The following ZNF514 variants were observed in gnomAD, a reference collection of about 807,000 sequenced individuals.
ZNF514 encodes the protein zinc finger protein 514.
A neutral mutation model predicts 9.7 loss-of-function variants in ZNF514; 12 were observed. The ratio of observed to expected loss-of-function variants is 1.24; its 90% CI spans 0.79 to 2.01. The LOEUF is 2.01. ZNF514 is among the 30% of genes most tolerant of loss of function. ZNF514 has a pLI of 0.00. For synonymous variants in ZNF514, 158 were observed against 163.7 expected (o/e 0.97, Z 0.27); for missense variants, 467 against 465.5 (o/e 1.00, Z -0.03).
At position 95,149,822 on chromosome 2, in the gene ZNF514, G is replaced by A. The variant is rs1174400951; in HGVS notation, c.663C>T (p.Arg221=). ...KSFHFQSELR[R]HQRCHTGEKP... ...TTTCTCCAGTGTGACATCGCTGATG[G>A]CGCCTAAGTTCTGACTGGAAGTGAA... Residue 221 remains arginine, a synonymous_variant, in exon 5 of 5, where the codon CGC becomes CGT. Coordinates refer to ENST00000295208, the MANE Select transcript of ZNF514 (RefSeq NM_032788.3). 2 of 1,614,072 alleles carry A rather than the reference G, an allele frequency of 1.2e-6. No individual in the cohort carries two copies. Among genetic ancestry groups the A allele is most frequent in the African/African-American group, 2.7e-5 (2 of 74,928 alleles).
At chr2:95,140,686 T>C (rs1394968220), downstream of ZNF514, among the ~76,000 whole-genome samples, 1 of 151,366 alleles carries the variant, frequency 6.6e-6, no homozygotes, top group Admixed American at 6.6e-5. Flanking sequence ...ATAAGAATGA[T>C]ACAATGGAGC....
At chr2:95,125,228 CTTT>C in the ZNF514 span, among the ~76,000 whole-genome samples, 7 of 125,124 alleles carry the variant, frequency 5.6e-5, no homozygotes, top group Non-Finnish European at 5.1e-5. Context: ...AATTGCCATC[CTTT>C]TTTTTTTTTT....
chr2:95,126,550 G>T, the ZNF514 span, among the ~76,000 whole-genome samples: 1 of 151,670 alleles, frequency 6.6e-6, no homozygotes, highest in Non-Finnish European at 1.5e-5. Context: ...TTTTTTAGCT[G>T]CTCTCATAGG....
downstream of ZNF514, among the ~76,000 whole-genome samples, chr2:95,144,358 T>C (rs1193520099): frequency 6.6e-6 from 1 of 152,180 alleles, no homozygotes; most frequent in East Asian, 1.9e-4. Flanking sequence ...TTCAGGCATG[T>C]AATATCAGTA....
downstream of ZNF514, among the ~76,000 whole-genome samples, chr2:95,140,857 C>T (rs1181521084): frequency 3.3e-5 from 5 of 151,798 alleles, no homozygotes; most frequent in Non-Finnish European, 7.4e-5. Flanking sequence ...TGCCTATAGT[C>T]CCAGCTACTC....
chr2:95,139,840 G>A, the ZNF514 span, among the ~76,000 whole-genome samples: 1 of 152,178 alleles, frequency 6.6e-6, no homozygotes, highest in African/African-American at 2.4e-5. Flanking sequence ...TAATACCAAT[G>A]TTGAGGGTGG....
intron 1 of ZNF514, chr2:95,158,768 C>A: frequency 8.4e-7 from 1 of 1,195,994 alleles, no homozygotes; most frequent in Admixed American, 3.1e-5. Flanking sequence ...CATCTAGAGA[C>A]CCCTGCCAGA....
intron 1 of ZNF514, 148 bp from the exon 2 acceptor site, chr2:95,157,587 C>A: frequency 2.6e-6 from 1 of 392,014 alleles, no homozygotes; most frequent in East Asian, 7.2e-5. Context: ...TGAGAGGCAG[C>A]TTCTAGCCTT....
intron 4 of ZNF514, among the ~76,000 whole-genome samples, chr2:95,151,236 C>G (rs542808718): frequency 2.0e-5 from 3 of 152,298 alleles, no homozygotes; most frequent in Non-Finnish European, 2.9e-5. Context: ...TAGGTCAAAT[C>G]TAATCATGAG....
chr2:95,150,841 T>A (rs1573377859), intron 4 of ZNF514, among the ~76,000 whole-genome samples: 1 of 152,204 alleles, frequency 6.6e-6, no homozygotes, highest in Admixed American at 6.5e-5. Context: ...AGCTCTATAA[T>A]ACTTTACCAG....
chr2:95,153,422 A>C, intron 2 of ZNF514, 163 bp from the exon 3 acceptor site: 2 of 570,316 alleles, frequency 3.5e-6, no homozygotes, highest in South Asian at 6.0e-5. Context: ...TTTTATTCTC[A>C]ATCTAGTTAC....
At chr2:95,142,935 T>C (rs1338215830), downstream of ZNF514, among the ~76,000 whole-genome samples, 1 of 152,266 alleles carries the variant, frequency 6.6e-6, no homozygotes, top group East Asian at 1.9e-4. Context: ...GGATTATTTG[T>C]TGGCTAATCA....
At chr2:95,140,110 T>C (rs1306293823), downstream of ZNF514, among the ~76,000 whole-genome samples, 2 of 151,260 alleles carry the variant, frequency 1.3e-5, no homozygotes, top group African/African-American at 4.9e-5. Context: ...GAGGGGAAAA[T>C]CACACACCGG....
At chr2:95,142,994 TCAAA>T (rs1360809785), downstream of ZNF514, among the ~76,000 whole-genome samples, 1 of 152,200 alleles carries the variant, frequency 6.6e-6, no homozygotes, top group Non-Finnish European at 1.5e-5. Context: ...CTTGGATTAA[TCAAA>T]CAGACATGGT....
chr2:95,123,322 T>C, the ZNF514 span, among the ~76,000 whole-genome samples: 1 of 152,230 alleles, frequency 6.6e-6, no homozygotes, highest in African/African-American at 2.4e-5. Context: ...AACTTCCTAA[T>C]TATGTTCCTC....
intron 4 of ZNF514, among the ~76,000 whole-genome samples, chr2:95,150,928 C>T (rs1231322432): frequency 5.9e-5 from 9 of 152,218 alleles, no homozygotes; most frequent in Admixed American, 4.6e-4. Flanking sequence ...TCCACTGCCC[C>T]TCTCACCACT....
chr2:95,145,502 T>C lies in ZNF514; in HGVS notation c.*3780A>G, dbSNP rs1376989573. Among the ~76,000 whole-genome samples the C allele has an allele frequency of 1.3e-5, 2 of 152,222 alleles. No individual in the cohort carries two copies. The highest frequency in any genetic ancestry group is 4.1e-4 in the South Asian group (2 of 4,832). ...TGAAGCCTGCTACCTTCTGGCTTCA[T>C]CTCACAGTAAGAACCTTGGTCTCCA... On this transcript the variant is annotated 3_prime_UTR_variant, in exon 5 of 5. Transcript: ENST00000295208.
chr2:95,158,412 G>T (rs972184700), intron 1 of ZNF514, among the ~76,000 whole-genome samples: 11 of 152,204 alleles, frequency 7.2e-5, no homozygotes, highest in Non-Finnish European at 1.5e-4. Context: ...GAGATAGGAC[G>T]TTCTAAACTT....
downstream of ZNF514, among the ~76,000 whole-genome samples, chr2:95,140,975 A>C (rs1248754287): frequency 7.0e-6 from 1 of 143,746 alleles, no homozygotes; most frequent in Admixed American, 7.0e-5. Flanking sequence ...ACTTCATCTC[A>C]AAAAAAAAAA....
Sources: allele counts gnomAD v4.1 joint callset (sites outside exome capture counted in the v4.1 genomes callset), GRCh38; gene constraint gnomAD v4.1.1; transcripts MANE v1.5; gene names NCBI Gene and HGNC (gene_info 2026-07-23, HGNC 2026-07-21).